Variants in ZNF532 observed in about 807,000 individuals in gnomAD.
ZNF532 encodes zinc finger protein 532.
Under a neutral mutation model 89.3 loss-of-function variants are expected in ZNF532, and 22 were observed. That is an observed-to-expected ratio of 0.25 (90% confidence interval 0.18 to 0.35). The LOEUF (loss-of-function observed/expected upper bound fraction) is 0.35, where lower values mean the gene tolerates loss of function less well. ZNF532 is among the 10% of genes least tolerant of loss of function. ZNF532 has a pLI of 1.00. For missense variants in ZNF532, 1,132 were observed against 1,643.4 expected, an observed-to-expected ratio of 0.69 and a Z score of 5.38; for synonymous variants, 606 against 649.6, an observed-to-expected ratio of 0.93 and a Z score of 1.02.
rs746641562 is a variant in ZNF532, at chr18:58,919,931, G to T, written c.1644G>T (p.Gln548His). The T allele has an allele frequency of 1.5e-5, 24 of 1,613,820 alleles. No individual in the cohort carries two copies. The Middle Eastern group carries it at 8.2e-4, about 55-fold the overall frequency. The part of the protein sequence containing the change: ...SELRQVLTKP[Q>H]QQIKQAIINA... ...TCCGCCAAGTGCTAACCAAACCTCA[G>T]CAACAAATAAAGCAGGCAATAATCA... The change falls in exon 3 of 10, where the codon CAG (glutamine) becomes CAT (histidine). Residue 548 changes from glutamine to histidine, a missense_variant. Gln to His is a conservative substitution (Grantham distance 24, BLOSUM62 0). Coordinates refer to ENST00000591808, the MANE Select transcript of ZNF532 (RefSeq NM_001375912.1). This position sits in a 1 kb window ranked among gnomAD's most constrained non-coding sequence, Gnocchi z 6.1.
chr18:58,899,353 G>C (rs2059451705), intron 2 of ZNF532, among the ~76,000 whole-genome samples: 1 of 152,194 alleles, frequency 6.6e-6, no homozygotes, highest in Non-Finnish European at 1.5e-5. Flanking sequence ...TTTTCTGGCA[G>C]CCTAATGAGG....
rs2067771031 is a variant in ZNF532 at position 58,981,592 on chromosome 18, A to G, written c.3386A>G (p.Glu1129Gly). 2 of 1,614,172 alleles carry G rather than the reference A, an allele frequency of 1.2e-6. No homozygotes were observed. The highest frequency in any genetic ancestry group is 1.1e-5 in the South Asian group (1 of 91,088). ...ATGACAGATGCCACCAATGAGGAGG[A>G]AACAGAAATAAAAGAAGACACTAAG... is the stretch of plus-strand genomic sequence containing the variant. ...KEMTDATNEE[E>G]TEIKEDTKVP... The change falls in exon 9 of 10, where the codon GAA becomes GGA. Residue 1129 changes from glutamate (E) to glycine (G), a missense_variant. Around this residue, in one of 9 missense-constraint regions of ZNF532, gnomAD observed 415 missense variants for 604.8 expected, o/e 0.69. Transcript: ENST00000591808.
chr18:58,972,542 G>C (rs2066577941), intron 7 of ZNF532, among the ~76,000 whole-genome samples: 1 of 152,050 alleles, frequency 6.6e-6, no homozygotes, highest in South Asian at 2.1e-4. Flanking sequence ...TGCTGAGCAG[G>C]AATTCCCTCA....
chr18:58,894,324 G>A (rs945572206), intron 2 of ZNF532, among the ~76,000 whole-genome samples: 17 of 151,962 alleles, frequency 1.1e-4, no homozygotes, highest in East Asian at 1.9e-4. Flanking sequence ...AAAGTTAGCC[G>A]GGTGTGGTGG....
chr18:58,893,766 C>A (rs919298494), intron 2 of ZNF532, among the ~76,000 whole-genome samples: 1 of 152,028 alleles, frequency 6.6e-6, no homozygotes, highest in South Asian at 2.1e-4. Context: ...AACTTGTCAC[C>A]TGTGAAATGG....
At chr18:58,954,589 T>G (rs952749727) in intron 7 of ZNF532, among the ~76,000 whole-genome samples, 1 of 152,144 alleles carries the variant, frequency 6.6e-6, no homozygotes, top group African/African-American at 2.4e-5. Flanking sequence ...TATGGTTGAT[T>G]TCTTAGAAAA....
intron 2 of ZNF532, among the ~76,000 whole-genome samples, chr18:58,898,056 C>A (rs758124979): frequency 1.1e-4 from 16 of 152,034 alleles, no homozygotes; most frequent in Non-Finnish European, 1.5e-4. Flanking sequence ...GTACATAGAT[C>A]AAAAAAATAG....
At chr18:58,934,743 C>G in intron 4 of ZNF532, 129 bp downstream of exon 4, 1 of 899,878 alleles carries the variant, frequency 1.1e-6, no homozygotes. Flanking sequence ...CCTCTGGGAA[C>G]CTAGCTCGTT....
At chr18:58,880,964 T>G (rs937644861) in intron 2 of ZNF532, among the ~76,000 whole-genome samples, 1 of 152,188 alleles carries the variant, frequency 6.6e-6, no homozygotes, top group Non-Finnish European at 1.5e-5. Flanking sequence ...TCTCTTCTAA[T>G]CTTGAATGTT....
chr18:58,946,496 C>G (rs1409922070), intron 5 of ZNF532, among the ~76,000 whole-genome samples: 1 of 152,080 alleles, frequency 6.6e-6, no homozygotes, highest in East Asian at 1.9e-4. Context: ...TAGTCTCAAA[C>G]CCCTGAGCTC....
chr18:58,908,626 G>C (rs1412163629), intron 2 of ZNF532, among the ~76,000 whole-genome samples: 3 of 152,194 alleles, frequency 2.0e-5, no homozygotes, highest in African/African-American at 4.8e-5. Context: ...TTATGAAGTT[G>C]AGGGACAAGA....
chr18:58,880,802 C>T (rs1388907498), intron 2 of ZNF532, among the ~76,000 whole-genome samples: 3 of 101,588 alleles, frequency 3.0e-5, no homozygotes, highest in Non-Finnish European at 6.8e-5. Flanking sequence ...GTTTGGGGCC[C>T]CTCAGAGGTA....
intron 2 of ZNF532, among the ~76,000 whole-genome samples, chr18:58,866,629 G>A (rs936106301): frequency 1.3e-5 from 2 of 152,190 alleles, no homozygotes; most frequent in African/African-American, 4.8e-5. Context: ...GTTCCTCTCC[G>A]TGTTCAGCAG....
intron 2 of ZNF532, among the ~76,000 whole-genome samples, chr18:58,888,748 TATATATA>T (rs1482991759): frequency 8.6e-5 from 4 of 46,532 alleles, no homozygotes; most frequent in Admixed American, 4.5e-4. Context: ...ATATTTTATA[TATATATA>T]AAATTAATAT....
intron 2 of ZNF532, among the ~76,000 whole-genome samples, chr18:58,870,949 A>T (rs769992723): frequency 8.6e-5 from 13 of 151,994 alleles, no homozygotes; most frequent in Admixed American, 2.6e-4. Context: ...GTGAGTCTGG[A>T]ATTTAGGAGG....
intron 7 of ZNF532, among the ~76,000 whole-genome samples, chr18:58,963,821 CA>C (rs58734985): frequency 0.075 from 6,174 of 82,710 alleles, 619 homozygotes; most frequent in East Asian, 0.54. Context: ...GACCCTGTCT[CA>C]AAAAAAAAAA....
chr18:58,882,939 T>C (rs1047075410), intron 2 of ZNF532, among the ~76,000 whole-genome samples: 7 of 152,186 alleles, frequency 4.6e-5, no homozygotes, highest in African/African-American at 1.7e-4. Context: ...GCTGTGTGTG[T>C]GTGTATTTAA....
intron 2 of ZNF532, among the ~76,000 whole-genome samples, chr18:58,905,180 G>A (rs564244458): frequency 3.2e-4 from 49 of 152,148 alleles, no homozygotes; most frequent in Non-Finnish European, 6.3e-4. Context: ...TTTAAAAGTT[G>A]CTACATCATT....
At chr18:58,956,084 T>G (rs2064746398) in intron 7 of ZNF532, among the ~76,000 whole-genome samples, 1 of 152,228 alleles carries the variant, frequency 6.6e-6, no homozygotes, top group Admixed American at 6.5e-5. Flanking sequence ...TTATCTTACA[T>G]TTGAGATAAT....
Sources: allele counts gnomAD v4.1 joint callset (sites outside exome capture counted in the v4.1 genomes callset), GRCh38; gene constraint gnomAD v4.1.1; regional missense constraint gnomAD v4.1.1; non-coding constraint Gnocchi (gnomAD v3.1); transcripts MANE v1.5; gene names NCBI Gene and HGNC (gene_info 2026-07-23, HGNC 2026-07-21).